The following FYN variants were observed in gnomAD, a reference collection of about 807,000 sequenced individuals.
FYN encodes tyrosine-protein kinase Fyn.
Under a neutral mutation model 70.2 loss-of-function variants are expected in FYN, and 10 were observed. The ratio of observed to expected loss-of-function variants is 0.14; its 90% confidence interval spans 0.09 to 0.24. The LOEUF is 0.24. Ranked by LOEUF, FYN falls within the 10% of genes least tolerant of loss-of-function variation. The probability of loss-of-function intolerance (pLI) is 1.00; values close to 1 mark genes in which losing one functional copy is unlikely to be tolerated. For synonymous variants in FYN, 236 were observed against 248.6 expected, an observed-to-expected ratio of 0.95 and a Z score of 0.48; for missense variants, 319 against 673.1, an observed-to-expected ratio of 0.47 and a Z score of 5.82.
intron 3 of FYN, among the ~76,000 whole-genome samples, chr6:111,736,645 A>T (rs900609650): frequency 1.3e-5 from 2 of 152,188 alleles, no homozygotes; most frequent in Non-Finnish European, 2.9e-5. Flanking sequence ...CTCTGCCATA[A>T]TTCTTTGTGA....
chr6:111,703,777 C>A (rs1369120540), intron 7 of FYN, among the ~76,000 whole-genome samples: 1 of 152,076 alleles, frequency 6.6e-6, no homozygotes, highest in East Asian at 1.9e-4. Flanking sequence ...TGCATCCAGC[C>A]CGTTTCAGGA....
At position 111,789,625 on chromosome 6, in the gene FYN, T is replaced by A. The variant is rs138018705; in HGVS notation, c.-81-8990A>T. ...ATGAGAATGAAGCATACAGTTATAATAATCATGTCTTTCTTTTCTTACTGG... is the reference window on the plus strand; with the variant it reads ...ATGAGAATGAAGCATACAGTTATAAAAATCATGTCTTTCTTTTCTTACTGG... On this transcript the variant is annotated intron_variant, in intron 2 of 13. Coordinates refer to ENST00000354650, the MANE Select transcript of FYN (RefSeq NM_002037.5). Among the ~76,000 whole-genome samples, 449 of 152,290 alleles carry A rather than the reference T, an allele frequency of 2.9e-3. 8 individuals carry two copies. In the South Asian group the frequency reaches 0.048, roughly 16 times the overall value.
At chr6:111,842,782 C>A (rs1554295554) in intron 2 of FYN, among the ~76,000 whole-genome samples, 2 of 152,172 alleles carry the variant, frequency 1.3e-5, no homozygotes. Context: ...ATTTTCCCCC[C>A]ACAAGACAAT....
At chr6:111,744,365 T>C (rs1665164329) in intron 3 of FYN, among the ~76,000 whole-genome samples, 1 of 152,230 alleles carries the variant, frequency 6.6e-6, no homozygotes, top group African/African-American at 2.4e-5. Flanking sequence ...ATTTCTGCAG[T>C]GGATGGCTGC....
At chr6:111,699,835 G>A in intron 9 of FYN, 1 of 739,624 alleles carries the variant, frequency 1.4e-6, no homozygotes, top group Non-Finnish European at 2.1e-6. Context: ...ACATTCCTTG[G>A]ACCATTTGCT....
At chr6:111,737,105 C>T (rs1681350830) in intron 3 of FYN, among the ~76,000 whole-genome samples, 1 of 152,188 alleles carries the variant, frequency 6.6e-6, no homozygotes, top group African/African-American at 2.4e-5. Flanking sequence ...ATGGTGTGGA[C>T]AGAGGAATAA....
rs200683094 is a variant in FYN, at chr6:111,719,842, C to A, written c.210G>T (p.Ser70=). 5 of 1,614,146 alleles carry A rather than the reference C, an allele frequency of 3.1e-6. No individual in the cohort carries two copies. The highest frequency in any genetic ancestry group is 4.2e-6 in the Non-Finnish European group (5 of 1,180,030). The change falls in exon 4 of 14, where the codon TCG becomes TCT. Residue 70 remains serine (S), a synonymous_variant. Coordinates refer to ENST00000354650, the MANE Select transcript of FYN (RefSeq NM_002037.5). ...TCGTACGCAAGGTCCCCGTATGAGACGAAGAGTTCACACCTCCAAAGACGG... is the reference window on the plus strand; with the variant it reads ...TCGTACGCAAGGTCCCCGTATGAGAAGAAGAGTTCACACCTCCAAAGACGG... The part of the protein sequence containing the change: ...GLTVFGGVNS[S]SHTGTLRTRG...
At chr6:111,817,091 T>C (rs7752620) in intron 2 of FYN, among the ~76,000 whole-genome samples, 43,475 of 151,644 alleles carry the variant, frequency 0.29, 9,531 homozygotes, top group African/African-American at 0.63. Flanking sequence ...AAGGAGTGAT[T>C]AAAATAGATT....
chr6:111,858,265 G>A (rs1773874902), intron 1 of FYN: 1 of 152,244 alleles, frequency 6.6e-6, no homozygotes, highest in African/African-American at 2.4e-5. Context: ...AGTGCTCTCT[G>A]CTTACAGGGG....
intron 12 of FYN, among the ~76,000 whole-genome samples, chr6:111,681,744 AAACAT>A (rs1798789604): frequency 6.6e-6 from 1 of 152,208 alleles, no homozygotes; most frequent in Non-Finnish European, 1.5e-5. Context: ...CACAATAGCT[AAACAT>A]ACACTGAGCG....
chr6:111,856,494 T>C (rs756543352), intron 1 of FYN, among the ~76,000 whole-genome samples: 8 of 152,196 alleles, frequency 5.3e-5, no homozygotes, highest in Non-Finnish European at 8.8e-5. Context: ...TAATTACTTA[T>C]GTTATTATTT....
chr6:111,794,598 T>C (rs970429126), intron 2 of FYN, among the ~76,000 whole-genome samples: 1 of 152,178 alleles, frequency 6.6e-6, no homozygotes, highest in Admixed American at 6.5e-5. Context: ...CTGAGAATGG[T>C]TTTTACATTT....
At chr6:111,759,169 G>T (rs1195819763) in intron 3 of FYN, 4 of 152,218 alleles carry the variant, frequency 2.6e-5, no homozygotes, top group African/African-American at 9.7e-5. Context: ...TGTTTCCTGT[G>T]CATGGCAGGG....
At chr6:111,771,164 G>A (rs1803437648) in intron 3 of FYN, among the ~76,000 whole-genome samples, 1 of 152,112 alleles carries the variant, frequency 6.6e-6, no homozygotes, top group African/African-American at 2.4e-5. Flanking sequence ...CATCTGGAGA[G>A]TCACTGCTAT....
intron 13 of FYN, among the ~76,000 whole-genome samples, chr6:111,674,189 C>T (rs1012727608): frequency 4.6e-5 from 7 of 152,192 alleles, no homozygotes; most frequent in Non-Finnish European, 4.4e-5. Flanking sequence ...GACATTTCTG[C>T]TCTGGGAACC....
intron 2 of FYN, among the ~76,000 whole-genome samples, chr6:111,833,099 T>C (rs546657748): frequency 2.6e-5 from 4 of 152,054 alleles, no homozygotes; most frequent in Non-Finnish European, 5.9e-5. Flanking sequence ...CATATCAGAG[T>C]GGTTAGAACT....
intron 2 of FYN, among the ~76,000 whole-genome samples, chr6:111,799,821 T>C (rs1375273760): frequency 1.3e-5 from 2 of 152,184 alleles, no homozygotes; most frequent in East Asian, 1.9e-4. Flanking sequence ...ACCCATGCCT[T>C]GTCCACCCTT....
chr6:111,809,108 T>G (rs1772243378), intron 2 of FYN, among the ~76,000 whole-genome samples: 1 of 152,206 alleles, frequency 6.6e-6, no homozygotes, highest in Admixed American at 6.5e-5. Context: ...TAACTGCCCA[T>G]ACTCATGGCC....
chr6:111,867,987 A>C (rs954816166), intron 1 of FYN, among the ~76,000 whole-genome samples: 1 of 152,170 alleles, frequency 6.6e-6, no homozygotes, highest in South Asian at 2.1e-4. Context: ...CAGTTCCCCA[A>C]AAGGTCTGTG....
Sources: gnomAD v4.1 joint callset for allele counts (sites outside exome capture counted in the v4.1 genomes callset) on GRCh38, gnomAD v4.1.1 for gene constraint, MANE v1.5 for transcripts, NCBI Gene and HGNC (gene_info 2026-07-23, HGNC 2026-07-21) for gene names.